Variants in PRKN observed in about 807,000 individuals in gnomAD.
PRKN encodes the protein E3 ubiquitin-protein ligase parkin.
In PRKN, 56 loss-of-function variants were observed where a neutral mutation model predicts 59.5. That is an observed-to-expected ratio of 0.94 (90% CI 0.76 to 1.18). PRKN has a LOEUF of 1.18. Ranked by LOEUF, PRKN falls within the 50% of genes most tolerant of loss-of-function variation. The pLI is 0.00. For synonymous variants in PRKN, 250 were observed against 222.1 expected (o/e 1.13, Z -1.12); for missense variants, 657 against 596.4 (o/e 1.10, Z -1.06).
chr6:161,596,424 A>G (rs1384267687), intron 7 of PRKN, among the ~76,000 whole-genome samples: 1 of 152,200 alleles, frequency 6.6e-6, no homozygotes, highest in Non-Finnish European at 1.5e-5. Context: ...GTATAGGAAA[A>G]CAACTATTTA....
At chr6:162,529,933 C>T (rs760304510) in intron 1 of PRKN, among the ~76,000 whole-genome samples, 65 of 152,170 alleles carry the variant, frequency 4.3e-4, no homozygotes, top group Admixed American at 2.6e-3. Context: ...AGTTCAAGAC[C>T]ATCCTTACCA....
intron 2 of PRKN, among the ~76,000 whole-genome samples, chr6:162,368,749 C>T (rs1785589405): frequency 6.6e-6 from 1 of 152,180 alleles, no homozygotes; most frequent in African/African-American, 2.4e-5. Flanking sequence ...TAGTCACCTG[C>T]TCTCAACTCT....
At position 162,120,654 on chromosome 6, in the gene PRKN, T is replaced by C. The variant is rs145957701; in HGVS notation, c.535-66480A>G. Among the ~76,000 whole-genome samples, 491 of 152,316 alleles carry C rather than the reference T, an allele frequency of 3.2e-3. 3 individuals are homozygous for C. The highest frequency in any genetic ancestry group is 0.011 in the African/African-American group (452 of 41,580). ...TGGTTATTTTTCTAGTTCCTGAATA[T>C]GTAATTAGAACAGACATTTGCAGCA... On this transcript the variant is annotated intron_variant, in intron 4 of 11. Coordinates refer to ENST00000366898, the MANE Select transcript of PRKN (RefSeq NM_004562.3).
intron 6 of PRKN, among the ~76,000 whole-genome samples, chr6:161,821,664 C>T (rs1041385226): frequency 6.7e-6 from 1 of 149,088 alleles, no homozygotes; most frequent in African/African-American, 2.5e-5. Flanking sequence ...TCCCTACAGC[C>T]TTGACTGAGT....
intron 6 of PRKN, among the ~76,000 whole-genome samples, chr6:161,805,170 C>A (rs1299788782): frequency 6.6e-6 from 1 of 152,172 alleles, no homozygotes; most frequent in Non-Finnish European, 1.5e-5. Context: ...ACTGTAGAAA[C>A]AATGTGTCTC....
chr6:162,363,360 C>A (rs1485454896), intron 2 of PRKN, among the ~76,000 whole-genome samples: 1 of 101,462 alleles, frequency 9.9e-6, no homozygotes, highest in South Asian at 3.0e-4. Context: ...TTACTACTAA[C>A]CCCCTTTCTG....
chr6:162,438,105 G>A (rs143178050), intron 2 of PRKN, among the ~76,000 whole-genome samples: 2,522 of 152,088 alleles, frequency 0.017, 32 homozygotes, highest in Middle Eastern at 0.045. Flanking sequence ...TCTTTATTTT[G>A]TATTTTAATT....
In PRKN at chr6:162,663,050, ACCCAGCTGCTC is replaced by A. The variant is rs374992597; in HGVS notation, c.7+64601_7+64611del. Among the ~76,000 whole-genome samples the A allele has an allele frequency of 2.7e-3, 418 of 152,210 alleles. 2 individuals are homozygous for A. Among genetic ancestry groups the A allele is most frequent in the African/African-American group, 9.2e-3 (381 of 41,552 alleles). The stretch of plus-strand genomic sequence containing the variant: ...ACAAGGGAGCAGAGTAGAACCCGAC[ACCCAGCTGCTC>A]CCAAATATGCCTCCACCCTACAAAA... On this transcript the variant is annotated intron_variant, in intron 1 of 11. Transcript: ENST00000366898.
At chr6:162,065,142 G>A (rs542515752) in intron 4 of PRKN, among the ~76,000 whole-genome samples, 21 of 152,302 alleles carry the variant, frequency 1.4e-4, no homozygotes, top group African/African-American at 4.6e-4. Context: ...AGGATAGGCC[G>A]TGTGCAGGCT....
At chr6:161,810,482 T>G (rs1269952790) in intron 6 of PRKN, among the ~76,000 whole-genome samples, 1 of 152,180 alleles carries the variant, frequency 6.6e-6, no homozygotes, top group Non-Finnish European at 1.5e-5. Flanking sequence ...CTCCTTAAAA[T>G]TTAGAGATAA....
In PRKN at chr6:161,382,459, C is replaced by T. The variant is rs542541617; in HGVS notation, c.1167+4335G>A. On this transcript the variant is annotated intron_variant, in intron 10 of 11. Transcript: ENST00000366898. Reference sequence around the variant, plus strand: ...TGATCTCTTCTGCGGCTTTAGAGAGCACCACTAAAAATCTGGAAGTCTCAG... The same window carrying T: ...TGATCTCTTCTGCGGCTTTAGAGAGTACCACTAAAAATCTGGAAGTCTCAG... 4.2e-4 allele frequency among the ~76,000 whole-genome samples: 64 copies of T among 152,250 alleles called. 3 individuals are homozygous for T. In the South Asian group the frequency reaches 0.013, roughly 31 times the overall value.
At chr6:162,466,147 C>T (rs1409426074) in intron 1 of PRKN, among the ~76,000 whole-genome samples, 3 of 152,176 alleles carry the variant, frequency 2.0e-5, no homozygotes, top group Non-Finnish European at 4.4e-5. Flanking sequence ...ACAGCTACTA[C>T]CTTTTTTGAT....
intron 1 of PRKN, among the ~76,000 whole-genome samples, chr6:162,468,722 G>A (rs1791560751): frequency 6.6e-6 from 1 of 152,186 alleles, no homozygotes; most frequent in Non-Finnish European, 1.5e-5. Flanking sequence ...TGAGCTTGAG[G>A]CTAGAGTAAT....
chr6:161,554,734 G>GTGTGTGTA lies in PRKN; in HGVS notation c.934-5732_934-5731insTACACACA, dbSNP rs1452353963. 7.1e-6 allele frequency among the ~76,000 whole-genome samples: 1 copy of GTGTGTGTA among 140,926 alleles called. No individual in the cohort carries two copies. The highest frequency in any genetic ancestry group is 1.5e-5 in the Non-Finnish European group (1 of 65,610). The allele number at this position is 140,926 out of a possible 152,430, so 92.5% of individuals were successfully genotyped here. A position where few individuals can be genotyped will look rare whatever the true frequency, so the allele number is the denominator to read the frequency against. The stretch of plus-strand genomic sequence containing the variant: ...GGATTGTGTGTGTGTGTGTGTGTGT[G>GTGTGTGTA]TATATATATATATATATATACATAC... On this transcript the variant is annotated intron_variant, in intron 8 of 11. Transcript: ENST00000366898. The surrounding 1 kb of genome is among the most constrained non-coding windows in gnomAD (Gnocchi z 4.5).
At chr6:162,683,893 A>T (rs1381263049) in intron 1 of PRKN, among the ~76,000 whole-genome samples, 1 of 152,186 alleles carries the variant, frequency 6.6e-6, no homozygotes, top group Non-Finnish European at 1.5e-5. Flanking sequence ...CAAAAGCAGT[A>T]CCAAAATCAC....
chr6:161,749,875 T>A (rs1788602863), intron 7 of PRKN, among the ~76,000 whole-genome samples: 1 of 152,118 alleles, frequency 6.6e-6, no homozygotes, highest in Admixed American at 6.6e-5. Flanking sequence ...GAAGTGACAG[T>A]CAGAGTACTT....
intron 6 of PRKN, among the ~76,000 whole-genome samples, chr6:161,816,684 C>T (rs941181747): frequency 6.6e-6 from 1 of 151,168 alleles, no homozygotes; most frequent in African/African-American, 2.4e-5. Flanking sequence ...GCCGAGATCA[C>T]GCCACTGCAC....
chr6:161,952,154 C>G (rs1473009921), intron 6 of PRKN, among the ~76,000 whole-genome samples: 1 of 152,090 alleles, frequency 6.6e-6, no homozygotes, highest in Non-Finnish European at 1.5e-5. Context: ...CGGAAAGGAG[C>G]TGGGGCATTG....
chr6:161,476,575 C>T (rs1791092460), intron 9 of PRKN, among the ~76,000 whole-genome samples: 1 of 152,118 alleles, frequency 6.6e-6, no homozygotes, highest in South Asian at 2.1e-4. Flanking sequence ...ATTGAGAGTT[C>T]CCCACTGTTG....
Sources: gnomAD v4.1 joint callset for allele counts (sites outside exome capture counted in the v4.1 genomes callset) on GRCh38, gnomAD v4.1.1 for gene constraint, Gnocchi (gnomAD v3.1) non-coding constraint, MANE v1.5 for transcripts, NCBI Gene and HGNC (gene_info 2026-07-23, HGNC 2026-07-21) for gene names.